The following KCNT2 variants were observed in gnomAD, a reference collection of about 807,000 sequenced individuals.
KCNT2 encodes the protein potassium sodium-activated channel subfamily T member 2.
KCNT2 carries 67 observed loss-of-function variants against 153.8 expected under a neutral mutation model. That is an observed-to-expected ratio of 0.44 (90% CI 0.36 to 0.53). The LOEUF (loss-of-function observed/expected upper bound fraction) is 0.53, where lower values mean the gene tolerates loss of function less well. KCNT2 is among the 20% of genes least tolerant of loss of function. The pLI is 0.00. For missense variants in KCNT2, 975 were observed against 1,354.8 expected (o/e 0.72, Z 4.40); for synonymous variants, 500 against 458.8 (o/e 1.09, Z -1.15).
chr1:196,537,773 G>A (rs890971181), intron 1 of KCNT2, among the ~76,000 whole-genome samples: 13 of 152,146 alleles, frequency 8.5e-5, no homozygotes, highest in Admixed American at 1.3e-4. Context: ...CTTATTGATT[G>A]TCTCTCAGTC....
chr1:196,287,812 T>C (rs1028496918), intron 22 of KCNT2, among the ~76,000 whole-genome samples: 4 of 152,090 alleles, frequency 2.6e-5, no homozygotes, highest in Non-Finnish European at 5.9e-5. Flanking sequence ...TTAATAGAAG[T>C]ATTATGTGTT....
intron 1 of KCNT2, among the ~76,000 whole-genome samples, chr1:196,589,557 A>G (rs1371199123): frequency 6.6e-6 from 1 of 152,116 alleles, no homozygotes; most frequent in Non-Finnish European, 1.5e-5. Context: ...TTACCAAACC[A>G]AAAACCAATC....
At chr1:196,445,695 T>C (rs923973505) in intron 8 of KCNT2, among the ~76,000 whole-genome samples, 3 of 151,394 alleles carry the variant, frequency 2.0e-5, no homozygotes. Flanking sequence ...TTCTAAGAGA[T>C]GGTTAATGAA....
At chr1:196,356,109 C>T (rs1005355121) in intron 14 of KCNT2, among the ~76,000 whole-genome samples, 1 of 151,694 alleles carries the variant, frequency 6.6e-6, no homozygotes, top group Non-Finnish European at 1.5e-5. Flanking sequence ...ATCATTTGCC[C>T]TTTAAAATAA....
At position 196,319,497 on chromosome 1, in the gene KCNT2, C is replaced by T. The variant is rs1663065910; in HGVS notation, c.2335G>A (p.Gly779Ser). ...CWFPMVYYMVGSIDNLDDLLR... is the reference protein window; with the variant it reads ...CWFPMVYYMVSSIDNLDDLLR... ...TTTGTCACCTACTTGTCAATAGAGC[C>T]CACCATGTAGTAAACCATTGGAAAC... The change falls in exon 20 of 28, where the codon GGC (glycine) becomes AGC (serine). Residue 779 changes from glycine to serine, a missense_variant. Physicochemically the swap from Gly to Ser is moderately conservative, Grantham distance 56 (BLOSUM62 0). This residue lies in a region of KCNT2 where 325 missense variants were observed against 388.1 expected (regional missense o/e 0.84). Transcript: ENST00000294725. 6.2e-7 allele frequency: 1 copy of T among 1,609,456 alleles called. No homozygotes were observed. The highest frequency in any genetic ancestry group is 2.2e-5 in the East Asian group (1 of 44,760).
intron 21 of KCNT2, among the ~76,000 whole-genome samples, chr1:196,307,536 A>G (rs1055350143): frequency 6.6e-6 from 1 of 152,114 alleles, no homozygotes; most frequent in African/African-American, 2.4e-5. Context: ...ACAACTAGAA[A>G]GCATGGTTTC....
chr1:196,502,459 A>G (rs1472926407), intron 1 of KCNT2, among the ~76,000 whole-genome samples: 2 of 152,198 alleles, frequency 1.3e-5, no homozygotes, highest in African/African-American at 4.8e-5. Context: ...ATATGCACAT[A>G]TATGCATGTG....
intron 8 of KCNT2, among the ~76,000 whole-genome samples, chr1:196,429,967 G>C (rs1278263646): frequency 6.6e-6 from 1 of 152,028 alleles, no homozygotes; most frequent in Non-Finnish European, 1.5e-5. Flanking sequence ...ATAGACAAAA[G>C]TGGTAGCTAA....
intron 8 of KCNT2, among the ~76,000 whole-genome samples, chr1:196,432,866 T>C (rs1674283085): frequency 6.6e-6 from 1 of 152,060 alleles, no homozygotes; most frequent in African/African-American, 2.4e-5. Flanking sequence ...ATAAAATGTA[T>C]TTTGTATGTG....
intron 7 of KCNT2, among the ~76,000 whole-genome samples, 162 bp downstream of exon 7, chr1:196,467,541 G>T (rs1421792688): frequency 1.3e-5 from 2 of 151,936 alleles, no homozygotes; most frequent in African/African-American, 4.8e-5. Context: ...TTTAATTACA[G>T]CTTAATTAAT....
intron 6 of KCNT2, among the ~76,000 whole-genome samples, chr1:196,468,627 A>G (rs1677815458): frequency 6.6e-6 from 1 of 152,072 alleles, no homozygotes; most frequent in Admixed American, 6.6e-5. Flanking sequence ...GATATTTTCA[A>G]CGTATGAAAA....
At chr1:196,593,883 A>G (rs1303555350) in intron 1 of KCNT2, among the ~76,000 whole-genome samples, 1 of 152,116 alleles carries the variant, frequency 6.6e-6, no homozygotes, top group African/African-American at 2.4e-5. Context: ...CTTCAAGAAA[A>G]TCATTCTTTA....
At chr1:196,583,845 G>A (rs1048128579) in intron 1 of KCNT2, among the ~76,000 whole-genome samples, 2 of 152,044 alleles carry the variant, frequency 1.3e-5, no homozygotes, top group Non-Finnish European at 2.9e-5. Context: ...GGAAAGAAAA[G>A]TTCAGGTTAA....
At chr1:196,386,624 A>C (rs1269656734) in intron 13 of KCNT2, among the ~76,000 whole-genome samples, 2 of 152,172 alleles carry the variant, frequency 1.3e-5, no homozygotes, top group African/African-American at 2.4e-5. Context: ...AAACCATAAA[A>C]GTACAAATAC....
At chr1:196,228,879 CAAATGTTA>C (rs1653703919) in intron 27 of KCNT2, among the ~76,000 whole-genome samples, 1 of 151,892 alleles carries the variant, frequency 6.6e-6, no homozygotes. Context: ...AACAGTTTAA[CAAATGTTA>C]TAGTGAATAT....
chr1:196,489,897 T>C lies in KCNT2; in HGVS notation c.216A>G (p.Leu72=). 1.9e-6 allele frequency: 3 copies of C among 1,589,554 alleles called. No individual in the cohort carries two copies. The highest frequency in any genetic ancestry group is 2.6e-6 in the Non-Finnish European group (3 of 1,169,242). The change falls in exon 3 of 28, where the codon CTA becomes CTG. Residue 72 remains leucine (L), a synonymous_variant. Transcript: ENST00000294725. ...CTCGGATTATGTATAATAAGCAGCT[T>C]AGTAATTTGAGAGAAAAATTGAACA... ...IRLFNFSLKL[L]SCLLYIIRVL...
intron 1 of KCNT2, among the ~76,000 whole-genome samples, chr1:196,500,052 A>G (rs1224858050): frequency 1.3e-5 from 2 of 151,692 alleles, no homozygotes; most frequent in Non-Finnish European, 2.9e-5. Flanking sequence ...ACAGAGGCAG[A>G]AGAATCACTT....
At chr1:196,295,730 A>G (rs1319111746) in intron 22 of KCNT2, among the ~76,000 whole-genome samples, 1 of 152,020 alleles carries the variant, frequency 6.6e-6, no homozygotes, top group Non-Finnish European at 1.5e-5. Flanking sequence ...CCATCATTCA[A>G]GATATTAGTT....
In KCNT2 at chr1:196,319,566, G is replaced by A. The variant is rs149544011; in HGVS notation, c.2277-11C>T. 452 of 1,584,890 alleles carry A rather than the reference G, an allele frequency of 2.9e-4. 6 individuals carry two copies. The East Asian group carries it at 7.8e-3, about 28-fold the overall frequency. The stretch of plus-strand genomic sequence containing the variant: ...AAATGCATATCTGGCCTAAGTAGTA[G>A]ATGGGTTACAAAATGAAACACAATG... On this transcript the variant is annotated splice_polypyrimidine_tract_variant and intron_variant, in intron 19 of 27. Coordinates refer to ENST00000294725, the MANE Select transcript of KCNT2 (RefSeq NM_198503.5).
Sources: gnomAD v4.1 joint callset for allele counts (sites outside exome capture counted in the v4.1 genomes callset) on GRCh38, gnomAD v4.1.1 for gene constraint, gnomAD v4.1.1 regional missense constraint, MANE v1.5 for transcripts, NCBI Gene and HGNC (gene_info 2026-07-23, HGNC 2026-07-21) for gene names.